SDK2: variants seen among roughly 807,000 people sequenced by gnomAD.
SDK2 encodes the protein sidekick cell adhesion molecule 2, also known as protein sidekick-2.
In SDK2, 105 loss-of-function variants were observed where a neutral mutation model predicts 253.9. That is an observed-to-expected ratio of 0.41 (90% CI 0.35 to 0.49). The LOEUF is 0.49. SDK2 is among the 20% of genes least tolerant of loss of function. The probability of loss-of-function intolerance (pLI) is 0.06; values close to 1 mark genes in which losing one functional copy is unlikely to be tolerated. For missense variants in SDK2, 2,608 were observed against 3,003.0 expected (o/e 0.87, Z 3.07); for synonymous variants, 1,249 against 1,234.9 (o/e 1.01, Z -0.24).
At chr17:73,382,558 C>T (rs142821031) in intron 33 of SDK2, among the ~76,000 whole-genome samples, 8 of 152,366 alleles carry the variant, frequency 5.3e-5, no homozygotes, top group Non-Finnish European at 2.9e-5. Context: ...TTCTAATTAT[C>T]GTTGCTACCT....
At chr17:73,533,848 A>G (rs1324606292) in intron 1 of SDK2, among the ~76,000 whole-genome samples, 1 of 152,138 alleles carries the variant, frequency 6.6e-6, no homozygotes, top group African/African-American at 2.4e-5. Flanking sequence ...CCCCCAAAGA[A>G]GGGTCATTAT....
chr17:73,574,412 C>T (rs904017686), intron 1 of SDK2, among the ~76,000 whole-genome samples: 6 of 152,264 alleles, frequency 3.9e-5, no homozygotes, highest in East Asian at 1.9e-4. Flanking sequence ...GCTGACATCA[C>T]GTGCATGCAC....
intron 5 of SDK2, among the ~76,000 whole-genome samples, chr17:73,445,943 G>C (rs1885630554): frequency 6.6e-6 from 1 of 152,140 alleles, no homozygotes; most frequent in Admixed American, 6.5e-5. Context: ...ACCTCCCTGG[G>C]GCCAGCTGGA....
At chr17:73,552,591 C>G (rs1285214941) in intron 1 of SDK2, among the ~76,000 whole-genome samples, 1 of 152,110 alleles carries the variant, frequency 6.6e-6, no homozygotes, top group African/African-American at 2.4e-5. Flanking sequence ...CTTCTCGGCA[C>G]TCAAGAAGTA....
intron 1 of SDK2, among the ~76,000 whole-genome samples, chr17:73,586,674 G>C (rs985761647): frequency 2.0e-5 from 3 of 152,170 alleles, no homozygotes; most frequent in African/African-American, 7.2e-5. Context: ...TGGTCGACCA[G>C]CTGGGTTGAC....
intron 1 of SDK2, among the ~76,000 whole-genome samples, chr17:73,573,968 C>T (rs1442576227): frequency 6.6e-6 from 1 of 152,220 alleles, no homozygotes; most frequent in Non-Finnish European, 1.5e-5. Flanking sequence ...CCTCCCCGAC[C>T]ATGAGGACCA....
chr17:73,510,577 G>T (rs184207663), intron 1 of SDK2, among the ~76,000 whole-genome samples: 1 of 152,150 alleles, frequency 6.6e-6, no homozygotes, highest in Non-Finnish European at 1.5e-5. Context: ...TTGGCTCACC[G>T]CAGCCTCGAC....
Position 73,534,827 on chromosome 17 carries a change from C to T in SDK2, c.65-27230G>A, listed in dbSNP as rs989188198. ...CTTCTTCTCAGTAGGCTGGGGGCAG[C>T]GGGCCGGGCTCCCTGGACTCCTTTG... On this transcript the variant is annotated intron_variant, in intron 1 of 44. Coordinates refer to ENST00000392650, the MANE Select transcript of SDK2 (RefSeq NM_001144952.2). This position sits in a 1 kb window ranked among gnomAD's most constrained non-coding sequence, Gnocchi z 4.9. Among the ~76,000 whole-genome samples the T allele has an allele frequency of 2.6e-5, 4 of 152,124 alleles. No homozygotes were observed. The highest frequency in any genetic ancestry group is 7.2e-5 in the African/African-American group (3 of 41,436).
chr17:73,422,144 C>T, intron 15 of SDK2, 143 bp downstream of exon 15: 1 of 879,390 alleles, frequency 1.1e-6, no homozygotes, highest in Non-Finnish European at 1.7e-6. Context: ...AGGCACTCAT[C>T]AGGATTGCTC....
chr17:73,380,607 G>A (rs548726794), intron 34 of SDK2, among the ~76,000 whole-genome samples: 116 of 152,270 alleles, frequency 7.6e-4, no homozygotes, highest in African/African-American at 2.7e-3. Flanking sequence ...AGCTTCTGCT[G>A]CGGCCCCGCT....
Position 73,338,443 on chromosome 17 carries a change from GC to G in SDK2, c.*143del, listed in dbSNP as rs779547081. The stretch of plus-strand genomic sequence containing the variant: ...CTCCTTCTGAACGCCGGCTTTGCTG[GC>G]CCTGGAATCTCTGGAAAAATAAACT... On this transcript the variant is annotated 3_prime_UTR_variant, in exon 45 of 45. Coordinates refer to ENST00000392650, the MANE Select transcript of SDK2 (RefSeq NM_001144952.2). This position sits in a 1 kb window ranked among gnomAD's most constrained non-coding sequence, Gnocchi z 5.0. 2.6e-5 allele frequency: 18 copies of G among 705,556 alleles called. No homozygotes were observed. In the African/African-American group the frequency reaches 3.2e-4, roughly 12 times the overall value. 43.7% of individuals were successfully genotyped at this position (705,556 alleles called of 1,614,324 possible). A position where few individuals can be genotyped will look rare whatever the true frequency, so the allele number is the denominator to read the frequency against.
At chr17:73,602,947 AC>A (rs1402886739) in intron 1 of SDK2, among the ~76,000 whole-genome samples, 2 of 151,864 alleles carry the variant, frequency 1.3e-5, no homozygotes, top group African/African-American at 4.8e-5. Context: ...CTGGTCTCAA[AC>A]TCCTGACCTC....
Position 73,386,545 on chromosome 17 carries a change from C to T in SDK2, c.4398G>A (p.Leu1466=). ...GGAACTTGTAGGACGTGAAGGGCTT[C>T]AGCCTGTAGGGAGAAATCAGGGCCA... The part of the protein sequence containing the change: ...HNASSFIVDR[L]KPFTSYKFRV... Residue 1466 remains leucine, a synonymous_variant, in exon 31 of 45, where the codon CTG becomes CTA. Coordinates refer to ENST00000392650, the MANE Select transcript of SDK2 (RefSeq NM_001144952.2). 1.3e-6 allele frequency: 2 copies of T among 1,553,172 alleles called. No individual in the cohort carries two copies. Among genetic ancestry groups the T allele is most frequent in the African/African-American group, 1.4e-5 (1 of 73,258 alleles).
At chr17:73,558,231 G>A (rs904943680) in intron 1 of SDK2, among the ~76,000 whole-genome samples, 1 of 152,242 alleles carries the variant, frequency 6.6e-6, no homozygotes, top group African/African-American at 2.4e-5. Flanking sequence ...CAGCCTCACT[G>A]AGCACATGTC....
intron 1 of SDK2, among the ~76,000 whole-genome samples, chr17:73,596,925 C>A (rs1211109029): frequency 6.6e-6 from 1 of 152,220 alleles, no homozygotes; most frequent in Non-Finnish European, 1.5e-5. Flanking sequence ...CACCCCTAGT[C>A]CAGGATGCGC....
In SDK2 at chr17:73,455,836, T is replaced by C. The variant is rs113078361; in HGVS notation, c.479+70A>G. ...GCCCTCCTCCACACTCAAGGGAGAC[T>C]TTATCTGGCCCCAAACCTCCTCCCC... On this transcript the variant is annotated intron_variant, in intron 4 of 44. Coordinates refer to ENST00000392650, the MANE Select transcript of SDK2 (RefSeq NM_001144952.2). This position sits in a 1 kb window ranked among gnomAD's most constrained non-coding sequence, Gnocchi z 5.0. 6.8e-7 allele frequency: 1 copy of C among 1,467,458 alleles called. No homozygotes were observed. The allele number at this position is 1,467,458 out of a possible 1,614,324, so 90.9% of individuals were successfully genotyped here.
chr17:73,635,627 G>A (rs539748167), intron 1 of SDK2, among the ~76,000 whole-genome samples: 138 of 152,252 alleles, frequency 9.1e-4, no homozygotes, highest in African/African-American at 3.1e-3. Flanking sequence ...ATTTCCTTCC[G>A]TTAGGACTGT....
intron 1 of SDK2, among the ~76,000 whole-genome samples, chr17:73,526,176 G>C (rs1028301116): frequency 2.0e-5 from 3 of 152,230 alleles, no homozygotes; most frequent in African/African-American, 7.2e-5. Flanking sequence ...TTTGTGAAAA[G>C]CCAGGATGCG....
At position 73,643,206 on chromosome 17, in the gene SDK2, C is replaced by G. The variant is rs2046419841; in HGVS notation, c.64+819G>C. The G allele has an allele frequency of 6.6e-6, 1 of 152,484 alleles. No individual in the cohort carries two copies. The highest frequency in any genetic ancestry group is 6.5e-5 in the Admixed American group (1 of 15,294). The allele number at this position is 152,484 out of a possible 1,614,324, so 9.4% of individuals were successfully genotyped here. ...AGCGCAGATCACACCTCGGATCCTT[C>G]GTAGCACTCCCAAACCCAAAGCCAC... is the stretch of plus-strand genomic sequence containing the variant. On this transcript the variant is annotated intron_variant, in intron 1 of 44. Transcript: ENST00000392650. This position sits in a 1 kb window ranked among gnomAD's most constrained non-coding sequence, Gnocchi z 6.9.
Sources: gnomAD v4.1 joint callset for allele counts (sites outside exome capture counted in the v4.1 genomes callset) on GRCh38, gnomAD v4.1.1 for gene constraint, Gnocchi (gnomAD v3.1) non-coding constraint, MANE v1.5 for transcripts, NCBI Gene and HGNC (gene_info 2026-07-23, HGNC 2026-07-21) for gene names.